DGKB: variants seen among roughly 807,000 people sequenced by gnomAD.
The protein encoded by DGKB is 90 kDa diacylglycerol kinase.
In DGKB, 67 loss-of-function variants were observed where a neutral mutation model predicts 114.3. The ratio of observed to expected loss-of-function variants is 0.59; its 90% CI spans 0.48 to 0.72. The LOEUF (loss-of-function observed/expected upper bound fraction) is 0.72, where lower values mean the gene tolerates loss of function less well. Ranked by LOEUF, DGKB falls within the 30% of genes least tolerant of loss-of-function variation. The probability of loss-of-function intolerance (pLI) is 0.00; values close to 1 mark genes in which losing one functional copy is unlikely to be tolerated. For synonymous variants in DGKB, 398 were observed against 323.1 expected, an observed-to-expected ratio of 1.23 and a Z score of -2.49; for missense variants, 907 against 975.2, an observed-to-expected ratio of 0.93 and a Z score of 0.93.
At chr7:14,756,564 C>A (rs1834901191) in intron 3 of DGKB, among the ~76,000 whole-genome samples, 1 of 151,232 alleles carries the variant, frequency 6.6e-6, no homozygotes, top group Non-Finnish European at 1.5e-5. Context: ...AGTAATGTAC[C>A]AGAATGTAGA....
intron 17 of DGKB, among the ~76,000 whole-genome samples, chr7:14,589,231 C>A (rs1179984136): frequency 6.6e-6 from 1 of 151,846 alleles, no homozygotes. Context: ...GAGTGTTATA[C>A]ATTGATTTTA....
chr7:14,388,077 C>T (rs1355858678), intron 21 of DGKB, among the ~76,000 whole-genome samples: 1 of 151,458 alleles, frequency 6.6e-6, no homozygotes, highest in Non-Finnish European at 1.5e-5. Flanking sequence ...ACGGGTTTCA[C>T]CTTCTTGGCC....
At chr7:14,905,824 G>A (rs1783675904), upstream of DGKB, among the ~76,000 whole-genome samples, 1 of 152,142 alleles carries the variant, frequency 6.6e-6, no homozygotes. Flanking sequence ...AATAACGTTT[G>A]AATACGTGAG....
intron 23 of DGKB, among the ~76,000 whole-genome samples, chr7:14,225,550 T>C (rs1584561675): frequency 1.3e-5 from 2 of 152,054 alleles, no homozygotes; most frequent in African/African-American, 4.8e-5. Flanking sequence ...TCTAGCTACT[T>C]GTATTAATGA....
intron 23 of DGKB, among the ~76,000 whole-genome samples, chr7:14,228,116 A>G (rs1791113278): frequency 6.6e-6 from 1 of 152,062 alleles, no homozygotes; most frequent in African/African-American, 2.4e-5. Flanking sequence ...GGGTTATTAT[A>G]TCATCAGCTT....
At chr7:14,509,735 C>T (rs1268107186) in intron 20 of DGKB, among the ~76,000 whole-genome samples, 2 of 152,214 alleles carry the variant, frequency 1.3e-5, no homozygotes, top group Non-Finnish European at 2.9e-5. Context: ...CCTGGACCCG[C>T]CTTTTAAAAG....
intron 1 of DGKB, among the ~76,000 whole-genome samples, chr7:14,913,136 C>A (rs1480004938): frequency 6.6e-6 from 1 of 152,034 alleles, no homozygotes; most frequent in Non-Finnish European, 1.5e-5. Flanking sequence ...AGTCTTCATA[C>A]TACTGTCCTG....
At chr7:14,744,485 G>C (rs549673141) in intron 4 of DGKB, among the ~76,000 whole-genome samples, 1 of 152,130 alleles carries the variant, frequency 6.6e-6, no homozygotes, top group South Asian at 2.1e-4. Flanking sequence ...CTTTCTAATG[G>C]GCCCAGGAAC....
chr7:14,591,367 T>G (rs1275470573), intron 17 of DGKB, among the ~76,000 whole-genome samples: 1 of 152,152 alleles, frequency 6.6e-6, no homozygotes, highest in Non-Finnish European at 1.5e-5. Context: ...CACCATTTTA[T>G]TAATTTTTTT....
chr7:14,372,320 G>C (rs944155275), intron 21 of DGKB, among the ~76,000 whole-genome samples: 1 of 152,144 alleles, frequency 6.6e-6, no homozygotes, highest in Admixed American at 6.5e-5. Context: ...TTGAATTAAA[G>C]CTCACATAGT....
chr7:14,757,635 T>G lies in DGKB; in HGVS notation c.147+20A>C. On this transcript the variant is annotated intron_variant, in intron 3 of 25. Transcript: ENST00000402815. ...TCCAAGCATATATACGAAACTGATA[T>G]AAAGAAAAAGAAGTTTTACCCCTTC... 6.9e-7 allele frequency: 1 copy of G among 1,453,422 alleles called. No individual in the cohort carries two copies. Among genetic ancestry groups the G allele is most frequent in the Non-Finnish European group, 9.6e-7 (1 of 1,045,762 alleles). 90.0% of individuals were successfully genotyped at this position (1,453,422 alleles called of 1,614,324 possible). A position where few individuals can be genotyped will look rare whatever the true frequency, so the allele number is the denominator to read the frequency against.
At chr7:14,816,896 T>C (rs1453935659) in intron 2 of DGKB, among the ~76,000 whole-genome samples, 1 of 152,228 alleles carries the variant, frequency 6.6e-6, no homozygotes, top group Non-Finnish European at 1.5e-5. Flanking sequence ...TGAGTTTGTG[T>C]TCTCTGCTGC....
chr7:14,200,452 G>A (rs750309709), intron 23 of DGKB, among the ~76,000 whole-genome samples: 10 of 151,974 alleles, frequency 6.6e-5, no homozygotes, highest in African/African-American at 1.2e-4. Flanking sequence ...CACAAAAGCC[G>A]TCCTCATTTT....
At chr7:14,534,559 G>T (rs1355967701) in intron 20 of DGKB, among the ~76,000 whole-genome samples, 1 of 151,988 alleles carries the variant, frequency 6.6e-6, no homozygotes, top group Non-Finnish European at 1.5e-5. Context: ...TCCCAAAACA[G>T]GACCCAACTA....
At chr7:14,329,533 G>T (rs111416359) in intron 23 of DGKB, among the ~76,000 whole-genome samples, 1 of 151,826 alleles carries the variant, frequency 6.6e-6, no homozygotes, top group South Asian at 2.1e-4. Flanking sequence ...ATAAGTAACT[G>T]TGACTTCTGT....
At chr7:14,553,275 C>A (rs566114623) in intron 20 of DGKB, among the ~76,000 whole-genome samples, 22 of 152,296 alleles carry the variant, frequency 1.4e-4, no homozygotes, top group Non-Finnish European at 5.9e-5. Flanking sequence ...ATACTGAGGG[C>A]TGTTTGAAAT....
At chr7:14,849,375 G>C (rs1562711138) in intron 1 of DGKB, among the ~76,000 whole-genome samples, 1 of 151,954 alleles carries the variant, frequency 6.6e-6, no homozygotes, top group Non-Finnish European at 1.5e-5. Flanking sequence ...GACCTTTGAG[G>C]GGTATTTAGG....
chr7:14,424,169 T>C (rs1827152156), intron 21 of DGKB, among the ~76,000 whole-genome samples: 1 of 152,090 alleles, frequency 6.6e-6, no homozygotes, highest in Non-Finnish European at 1.5e-5. Flanking sequence ...TAAAACCAAA[T>C]CATCATCACT....
chr7:14,192,110 G>C (rs2128274924), intron 23 of DGKB: 1 of 374,628 alleles, frequency 2.7e-6, no homozygotes, highest in East Asian at 7.6e-5. Flanking sequence ...ATGGTGGAAA[G>C]GTCACCAGAG....
Sources: allele counts gnomAD v4.1 joint callset (sites outside exome capture counted in the v4.1 genomes callset), GRCh38; gene constraint gnomAD v4.1.1; transcripts MANE v1.5; gene names NCBI Gene and HGNC (gene_info 2026-07-23, HGNC 2026-07-21).